KIAA1671: variants seen among roughly 807,000 people sequenced by gnomAD.
KIAA1671 encodes the protein KIAA1671, also known as uncharacterized protein KIAA1671.
Under a neutral mutation model 131.2 loss-of-function variants are expected in KIAA1671, and 52 were observed. The ratio of observed to expected loss-of-function variants is 0.40; its 90% confidence interval spans 0.32 to 0.50. The LOEUF is 0.50. Ranked by LOEUF, KIAA1671 falls within the 20% of genes least tolerant of loss-of-function variation. The pLI is 0.73. For missense variants in KIAA1671, 2,360 were observed against 2,364.2 expected (o/e 1.00, Z 0.04); for synonymous variants, 1,003 against 961.6 (o/e 1.04, Z -0.80).
intron 1 of KIAA1671, among the ~76,000 whole-genome samples, chr22:24,962,193 T>G (rs1922053917): frequency 6.6e-6 from 1 of 152,096 alleles, no homozygotes; most frequent in Non-Finnish European, 1.5e-5. Flanking sequence ...GACGCCAAGG[T>G]GAGACTGGGA....
chr22:25,109,329 T>G (rs1478851332), intron 6 of KIAA1671, among the ~76,000 whole-genome samples: 2 of 152,026 alleles, frequency 1.3e-5, no homozygotes. Context: ...AGGCTGGTCT[T>G]GAACTCTTGA....
chr22:25,178,450 G>A (rs1934121490), intron 9 of KIAA1671, among the ~76,000 whole-genome samples: 1 of 152,248 alleles, frequency 6.6e-6, no homozygotes, highest in African/African-American at 2.4e-5. Flanking sequence ...ACACAGGAGG[G>A]GCCAGCACTC....
At chr22:25,031,920 T>G (rs1329205308) in intron 3 of KIAA1671, among the ~76,000 whole-genome samples, 2 of 152,192 alleles carry the variant, frequency 1.3e-5, no homozygotes, top group Non-Finnish European at 2.9e-5. Context: ...TTCTCTCCCT[T>G]TCCTTTTCTT....
At chr22:25,049,608 G>A (rs1220599572) in intron 6 of KIAA1671, 4 of 447,188 alleles carry the variant, frequency 8.9e-6, no homozygotes, top group Non-Finnish European at 1.6e-5. Flanking sequence ...GCACTGCCTG[G>A]CATGGAGTGG....
At chr22:25,129,298 A>G (rs1469996218) in intron 6 of KIAA1671, among the ~76,000 whole-genome samples, 1 of 152,000 alleles carries the variant, frequency 6.6e-6, no homozygotes, top group Admixed American at 6.6e-5. Flanking sequence ...CATGAGGTCA[A>G]GAGTTCGAGA....
intron 6 of KIAA1671, among the ~76,000 whole-genome samples, chr22:25,143,928 T>C (rs988674843): frequency 1.3e-5 from 2 of 151,966 alleles, no homozygotes; most frequent in Non-Finnish European, 2.9e-5. Context: ...CCCAGCACTT[T>C]GGGAAGCTGA....
chr22:25,160,944 C>T (rs1289636281), intron 6 of KIAA1671, among the ~76,000 whole-genome samples: 1 of 152,200 alleles, frequency 6.6e-6, no homozygotes, highest in East Asian at 1.9e-4. Flanking sequence ...GACCCAAGTC[C>T]ATGGGAGGGG....
chr22:25,040,139 C>T lies in KIAA1671; in HGVS notation c.3009C>T (p.Asn1003=). ...SHYRVETQEV[N]PGASRDQTSP... ...ACAGGGTGGAGACCCAGGAGGTGAA[C>T]CCAGGTGCTTCACGGGACCAGACTT... Residue 1003 remains asparagine (N), a synonymous_variant, in exon 5 of 13, where the codon AAC becomes AAT. Coordinates refer to ENST00000358431, the MANE Select transcript of KIAA1671 (RefSeq NM_001145206.2). The T allele has an allele frequency of 1.3e-6, 2 of 1,551,674 alleles. No homozygotes were observed. The highest frequency in any genetic ancestry group is 2.4e-5 in the South Asian group (2 of 84,046).
chr22:25,090,515 T>G (rs978140299), intron 6 of KIAA1671, among the ~76,000 whole-genome samples: 6 of 152,240 alleles, frequency 3.9e-5, no homozygotes, highest in African/African-American at 1.4e-4. Flanking sequence ...ACTCCCTCAG[T>G]CCTTTAGAAC....
chr22:25,107,124 C>T (rs971720426), intron 6 of KIAA1671, among the ~76,000 whole-genome samples: 13 of 152,048 alleles, frequency 8.5e-5, no homozygotes, highest in Admixed American at 4.6e-4. Flanking sequence ...GGCTGGGGTG[C>T]GGTGGCTCAC....
intron 6 of KIAA1671, among the ~76,000 whole-genome samples, chr22:25,121,200 C>T (rs917993936): frequency 1.3e-5 from 2 of 152,112 alleles, no homozygotes; most frequent in Admixed American, 6.5e-5. Context: ...CGGTGGCTCA[C>T]GCCTGTAGTC....
chr22:24,962,693 A>G (rs1328114740), intron 1 of KIAA1671, among the ~76,000 whole-genome samples: 2 of 152,202 alleles, frequency 1.3e-5, no homozygotes, highest in African/African-American at 4.8e-5. Flanking sequence ...TAGGATTACT[A>G]GTATTATTAT....
At chr22:25,049,065 C>A (rs1426332177) in intron 5 of KIAA1671, 165 bp from the exon 6 acceptor site, 6 of 824,676 alleles carry the variant, frequency 7.3e-6, no homozygotes, top group South Asian at 2.0e-5. Context: ...GAACCCAGAG[C>A]TACCGCCCTA....
chr22:25,182,360 TTCTTTCCTCCCTCCCTTTCTCTTTTCTTC>T (rs1204318499), intron 10 of KIAA1671, among the ~76,000 whole-genome samples: 9 of 106,218 alleles, frequency 8.5e-5, no homozygotes, highest in African/African-American at 1.8e-4. Context: ...TTTCTCTTCT[TTCTTTCCTCCCTCCCTTTCTCTTTTCTTC>T]CTTCCTTCCT....
At chr22:25,012,311 C>T (rs891162191) in intron 1 of KIAA1671, 1 of 151,050 alleles carries the variant, frequency 6.6e-6, no homozygotes, top group African/African-American at 2.4e-5. Flanking sequence ...GTCTCTCTGT[C>T]ACCCAGGCTG....
intron 1 of KIAA1671, among the ~76,000 whole-genome samples, chr22:24,957,236 T>G (rs1016527146): frequency 6.6e-6 from 1 of 151,624 alleles, no homozygotes; most frequent in Non-Finnish European, 1.5e-5. Context: ...GATACTTGAG[T>G]CTTAAAGGAT....
At position 25,041,526 on chromosome 22, in the gene KIAA1671, G is replaced by T. The variant is rs1926922847; in HGVS notation, c.4395+1G>T. The T allele has an allele frequency of 6.5e-7, 1 of 1,529,566 alleles. No homozygotes were observed. The highest frequency in any genetic ancestry group is 8.8e-7 in the Non-Finnish European group (1 of 1,138,312). The allele number at this position is 1,529,566 out of a possible 1,614,324, so 94.7% of individuals were successfully genotyped here. A position where few individuals can be genotyped will look rare whatever the true frequency, so the allele number is the denominator to read the frequency against. ...GTCAGGGACTGGAGACAGTCACAAG[G>T]TAAGTACCGAGACACTTTTTAATTT... is the stretch of plus-strand genomic sequence containing the variant. On this transcript the variant is annotated splice_donor_variant, in intron 5 of 12. Coordinates refer to ENST00000358431, the MANE Select transcript of KIAA1671 (RefSeq NM_001145206.2). LOFTEE classifies it high-confidence loss of function.
intron 9 of KIAA1671, among the ~76,000 whole-genome samples, chr22:25,181,414 C>G (rs1338188929): frequency 6.6e-6 from 1 of 152,136 alleles, no homozygotes; most frequent in African/African-American, 2.4e-5. Flanking sequence ...TATTCCCTGA[C>G]TTGGAATGAG....
rs950657036 is a variant in KIAA1671 at position 25,112,320 on chromosome 22, G to A, written c.4531-58500G>A. Reference sequence around the variant, plus strand: ...GAACGGACGAGTGCAGAGTCGGCCAGCCGGACCCCCTTCAAGCGTACTTCC... The same window carrying A: ...GAACGGACGAGTGCAGAGTCGGCCAACCGGACCCCCTTCAAGCGTACTTCC... On this transcript the variant is annotated intron_variant, in intron 6 of 12. Transcript: ENST00000358431. 3.8e-5 allele frequency: 15 copies of A among 399,030 alleles called. No individual in the cohort carries two copies. In the Middle Eastern group the frequency reaches 2.5e-3, roughly 67 times the overall value. 24.7% of individuals were successfully genotyped at this position (399,030 alleles called of 1,614,324 possible). A position where few individuals can be genotyped will look rare whatever the true frequency, so the allele number is the denominator to read the frequency against.
Sources: gnomAD v4.1 joint callset for allele counts (sites outside exome capture counted in the v4.1 genomes callset) on GRCh38, gnomAD v4.1.1 for gene constraint, MANE v1.5 for transcripts, NCBI Gene and HGNC (gene_info 2026-07-23, HGNC 2026-07-21) for gene names.